The following PLCB2 variants were observed in gnomAD, a reference collection of about 807,000 sequenced individuals.
The protein encoded by PLCB2 is 1-phosphatidylinositol 4,5-bisphosphate phosphodiesterase beta-2.
Under a neutral mutation model 141.7 loss-of-function variants are expected in PLCB2, and 115 were observed. That is an observed-to-expected ratio of 0.81 (90% CI 0.70 to 0.95). PLCB2 has a LOEUF of 0.95. PLCB2 is among the 40% of genes least tolerant of loss of function. PLCB2 has a pLI of 0.00. For missense variants in PLCB2, 1,403 were observed against 1,541.1 expected, an observed-to-expected ratio of 0.91 and a Z score of 1.50; for synonymous variants, 603 against 595.6, an observed-to-expected ratio of 1.01 and a Z score of -0.18.
intron 28 of PLCB2, 39 bp from the exon 29 acceptor site, chr15:40,290,711 C>T: frequency 1.2e-6 from 2 of 1,612,246 alleles, no homozygotes; most frequent in South Asian, 2.2e-5. Flanking sequence ...TTTTGTGCGG[C>T]TGAGCCCTTG....
intron 1 of PLCB2, among the ~76,000 whole-genome samples, chr15:40,307,198 TGCC>T (rs538103365): frequency 2.6e-5 from 4 of 152,134 alleles, no homozygotes; most frequent in Non-Finnish European, 4.4e-5. Flanking sequence ...CTGAGCGCCC[TGCC>T]GGAGCAAGGG....
chr15:40,295,827 C>G (rs1314253813), intron 16 of PLCB2, among the ~76,000 whole-genome samples: 1 of 152,138 alleles, frequency 6.6e-6, no homozygotes, highest in East Asian at 1.9e-4. Flanking sequence ...GTGCATGGGA[C>G]ATGCAGAGAG....
chr15:40,301,663 C>T (rs985259600), intron 7 of PLCB2: 57 of 702,986 alleles, frequency 8.1e-5, no homozygotes, highest in Middle Eastern at 2.3e-4. Flanking sequence ...GGAATGCATG[C>T]CGTTTCTGCT....
rs770767484 is a variant in PLCB2 at position 40,297,483 on chromosome 15, G to T, written c.1323+38C>A. The T allele has an allele frequency of 1.8e-5, 28 of 1,521,882 alleles. No individual in the cohort carries two copies. The highest frequency in any genetic ancestry group is 2.5e-5 in the Non-Finnish European group (27 of 1,095,722). The allele number at this position is 1,521,882 out of a possible 1,614,324, so 94.3% of individuals were successfully genotyped here. A position where few individuals can be genotyped will look rare whatever the true frequency, so the allele number is the denominator to read the frequency against. On this transcript the variant is annotated intron_variant, in intron 13 of 31. Coordinates refer to ENST00000260402, the MANE Select transcript of PLCB2 (RefSeq NM_004573.3). The surrounding 1 kb of genome is among the most constrained non-coding windows in gnomAD (Gnocchi z 4.2). ...TTCTCACCCTGCCCCAGGTTCCCAG[G>T]CCCAAGGCTCAAATGTCCCACAGCG...
rs769306421 is a variant in PLCB2 at position 40,302,051 on chromosome 15, G to T, written c.507-19C>A. The stretch of plus-strand genomic sequence containing the variant: ...GAAAAAGCTGAAGGGGCAGAGAAAG[G>T]TACCAGGTACAGAGAGGAGTCAGGC... On this transcript the variant is annotated intron_variant, in intron 6 of 31. Transcript: ENST00000260402. The T allele has an allele frequency of 5.0e-6, 8 of 1,614,020 alleles. No homozygotes were observed. The highest frequency in any genetic ancestry group is 5.1e-6 in the Non-Finnish European group (6 of 1,179,972).
Position 40,288,507 on chromosome 15 carries a change from C to G in PLCB2, c.*208G>C. 1.5e-6 allele frequency: 2 copies of G among 1,302,152 alleles called. No individual in the cohort carries two copies. Among genetic ancestry groups the G allele is most frequent in the Non-Finnish European group, 2.0e-6 (2 of 1,025,242 alleles). 80.7% of individuals were successfully genotyped at this position (1,302,152 alleles called of 1,614,324 possible). On this transcript the variant is annotated 3_prime_UTR_variant, in exon 32 of 32. Transcript: ENST00000260402. Reference sequence around the variant, plus strand: ...GTAGGAAGTCAGCTTGAGAAGACTTCTAGGCCCCAGAGAGGCCCTGCCGTG... The same window carrying G: ...GTAGGAAGTCAGCTTGAGAAGACTTGTAGGCCCCAGAGAGGCCCTGCCGTG...
Position 40,288,642 on chromosome 15 carries a change from C to A in PLCB2, c.*73G>T. ...CCTCAGAAGGCTGGGGCTCCTTTTT[C>A]CTGGGGGAATAGAACCACATCCCAG... On this transcript the variant is annotated 3_prime_UTR_variant, in exon 32 of 32. Transcript: ENST00000260402. 1 of 1,448,968 alleles carries A rather than the reference C, an allele frequency of 6.9e-7. No homozygotes were observed. The highest frequency in any genetic ancestry group is 1.5e-5 in the South Asian group (1 of 67,410). The allele number at this position is 1,448,968 out of a possible 1,614,324, so 89.8% of individuals were successfully genotyped here.
chr15:40,290,522 C>T (rs2039831130), intron 29 of PLCB2, 55 bp downstream of exon 29: 3 of 1,264,542 alleles, frequency 2.4e-6, no homozygotes, highest in East Asian at 2.3e-5. Flanking sequence ...TAGAGAGGCC[C>T]CTTTCCACCT....
chr15:40,295,009 G>A lies in PLCB2; in HGVS notation c.1833C>T (p.Asp611=), dbSNP rs2040131175. The A allele has an allele frequency of 1.2e-6, 2 of 1,613,908 alleles. No individual in the cohort carries two copies. The highest frequency in any genetic ancestry group is 2.2e-5 in the South Asian group (2 of 91,090). The change falls in exon 18 of 32, where the codon GAC becomes GAT. Residue 611 remains aspartate, a synonymous_variant. Coordinates refer to ENST00000260402, the MANE Select transcript of PLCB2 (RefSeq NM_004573.3). ...SRIYPKGTRM[D]SSNYMPQMFW... The stretch of plus-strand genomic sequence containing the variant: ...ACATCTGGGGCATGTAGTTGGAGGA[G>A]TCCATGCGGGTTCCCTTGGGGTAAA...
chr15:40,289,248 G>A (rs2039717297), intron 31 of PLCB2, 24 bp downstream of exon 31: 6 of 1,590,460 alleles, frequency 3.8e-6, no homozygotes, highest in Non-Finnish European at 5.2e-6. Context: ...GTTCTGCTGG[G>A]GGTCCCAGTA....
In PLCB2 at chr15:40,291,354, G is replaced by T. The variant is rs2039907898; in HGVS notation, c.2781C>A (p.Gly927=). The change falls in exon 26 of 32, where the codon GGC becomes GGA. Residue 927 remains glycine, a synonymous_variant. Transcript: ENST00000260402. ...ARRWEELLQR[G]AAQLAELGPP... ...GCCCGAGCTCCGCCAGCTGCGCCGC[G>T]CCCCGCTGCAGCAGCTCCTCCCAGC... is the stretch of plus-strand genomic sequence containing the variant. 2 of 1,524,942 alleles carry T rather than the reference G, an allele frequency of 1.3e-6. No individual in the cohort carries two copies. Among genetic ancestry groups the T allele is most frequent in the Non-Finnish European group, 1.7e-6 (2 of 1,142,920 alleles). The allele number at this position is 1,524,942 out of a possible 1,614,324, so 94.5% of individuals were successfully genotyped here. A position where few individuals can be genotyped will look rare whatever the true frequency, so the allele number is the denominator to read the frequency against.
At chr15:40,302,698 G>C in intron 3 of PLCB2, 89 bp from the exon 4 acceptor site, 1 of 1,464,648 alleles carries the variant, frequency 6.8e-7, no homozygotes, top group Non-Finnish European at 9.4e-7. Context: ...AGCCACTTGG[G>C]CTATGGCCCA....
At chr15:40,298,438 C>T (rs2040344431) in intron 10 of PLCB2, 58 bp from the exon 11 acceptor site, 8 of 1,574,794 alleles carry the variant, frequency 5.1e-6, no homozygotes, top group Middle Eastern at 1.7e-4. Context: ...CCAGCTCTCC[C>T]CCTACCGCCA....
downstream of PLCB2, among the ~76,000 whole-genome samples, chr15:40,285,086 C>A (rs530907225): frequency 6.6e-6 from 1 of 152,288 alleles, no homozygotes; most frequent in African/African-American, 2.4e-5. Flanking sequence ...CATGGCCCTG[C>A]ACCCTGAACC....
chr15:40,306,408 C>G (rs1241877920), intron 1 of PLCB2, among the ~76,000 whole-genome samples: 1 of 152,138 alleles, frequency 6.6e-6, no homozygotes, highest in East Asian at 1.9e-4. Context: ...CACCAACCCC[C>G]GACCTCCACT....
At chr15:40,291,949 A>G (rs1219400747) in intron 23 of PLCB2, 25 bp from the exon 24 acceptor site, 9 of 1,613,334 alleles carry the variant, frequency 5.6e-6, no homozygotes, top group Non-Finnish European at 6.8e-6. Context: ...CAGGTCAGGA[A>G]GGTGGCTTGA....
chr15:40,284,620 T>C (rs1399146907), downstream of PLCB2: 4 of 452,366 alleles, frequency 8.8e-6, no homozygotes, highest in Admixed American at 9.5e-5. Context: ...GGCGGGCGGA[T>C]CACGAGATCA....
At chr15:40,285,886 GCTT>G, downstream of PLCB2, 2 of 985,472 alleles carry the variant, frequency 2.0e-6, no homozygotes, top group Non-Finnish European at 2.4e-6. Flanking sequence ...AGACAACTGA[GCTT>G]CATTTCTGTT....
At chr15:40,306,272 G>A (rs763686704) in intron 1 of PLCB2, among the ~76,000 whole-genome samples, 15 of 152,194 alleles carry the variant, frequency 9.9e-5, no homozygotes, top group Non-Finnish European at 1.8e-4. Context: ...CCTGTGGATA[G>A]GCTTGGGACA....
Sources: allele counts gnomAD v4.1 joint callset (sites outside exome capture counted in the v4.1 genomes callset), GRCh38; gene constraint gnomAD v4.1.1; non-coding constraint Gnocchi (gnomAD v3.1); transcripts MANE v1.5; gene names NCBI Gene and HGNC (gene_info 2026-07-23, HGNC 2026-07-21).